Variants in PRELID2 observed in about 807,000 individuals in gnomAD.
PRELID2 encodes PRELI domain containing 2.
Under a neutral mutation model 28.4 loss-of-function variants are expected in PRELID2, and 25 were observed. The observed-to-expected ratio is 0.88, with a 90% CI of 0.64 to 1.23. The LOEUF (loss-of-function observed/expected upper bound fraction) is 1.23, where lower values mean the gene tolerates loss of function less well. Ranked by LOEUF, PRELID2 falls within the 50% of genes most tolerant of loss-of-function variation. The pLI is 0.00. For synonymous variants in PRELID2, 76 were observed against 71.6 expected (o/e 1.06, Z -0.31); for missense variants, 201 against 214.4 (o/e 0.94, Z 0.39).
chr5:145,456,477 A>G, the PRELID2 span, among the ~76,000 whole-genome samples: 3 of 152,062 alleles, frequency 2.0e-5, no homozygotes, highest in Non-Finnish European at 4.4e-5. Flanking sequence ...AGTCTCCATC[A>G]TGTCCTTAGA....
the PRELID2 span, among the ~76,000 whole-genome samples, chr5:145,232,268 C>T: frequency 1.3e-5 from 2 of 152,086 alleles, no homozygotes; most frequent in Non-Finnish European, 2.9e-5. Flanking sequence ...AACATACATT[C>T]TCTTATTCAT....
chr5:145,651,573 T>C (rs1754298589), intron 1 of PRELID2, among the ~76,000 whole-genome samples: 1 of 152,120 alleles, frequency 6.6e-6, no homozygotes, highest in African/African-American at 2.4e-5. Context: ...AGAGGAATGA[T>C]CAGGCAGCAA....
chr5:145,455,376 A>G, the PRELID2 span, among the ~76,000 whole-genome samples: 1 of 151,804 alleles, frequency 6.6e-6, no homozygotes, highest in Non-Finnish European at 1.5e-5. Flanking sequence ...ATAGTATAGC[A>G]TGATGTCTCC....
chr5:145,737,000 T>C (rs550607427), intron 1 of PRELID2, among the ~76,000 whole-genome samples: 1 of 152,086 alleles, frequency 6.6e-6, no homozygotes, highest in South Asian at 2.1e-4. Context: ...GGGAATTATT[T>C]AGAGGGTGGT....
chr5:145,818,580 T>C (rs758179751), intron 3 of PRELID2, among the ~76,000 whole-genome samples: 2 of 152,158 alleles, frequency 1.3e-5, no homozygotes, highest in Non-Finnish European at 2.9e-5. Flanking sequence ...GAATGCCTTT[T>C]TAAATAATAG....
chr5:145,635,571 T>C (rs1013770196), intron 1 of PRELID2, among the ~76,000 whole-genome samples: 6 of 152,144 alleles, frequency 3.9e-5, no homozygotes, highest in African/African-American at 1.4e-4. Context: ...GATCACACAG[T>C]GAATAAATGG....
chr5:145,241,281 ATTCTCATTCAT>A, the PRELID2 span, among the ~76,000 whole-genome samples: 1 of 151,956 alleles, frequency 6.6e-6, no homozygotes, highest in African/African-American at 2.4e-5. Flanking sequence ...TGAAGACACG[ATTCTCATTCAT>A]TTCCTTGTCA....
chr5:145,707,694 T>C (rs1054855446), intron 1 of PRELID2, among the ~76,000 whole-genome samples: 5 of 152,136 alleles, frequency 3.3e-5, no homozygotes, highest in African/African-American at 4.8e-5. Flanking sequence ...CTGAGAAATA[T>C]TGGATCTTTT....
intron 1 of PRELID2, among the ~76,000 whole-genome samples, chr5:145,547,993 A>T (rs1454133212): frequency 6.6e-6 from 1 of 151,978 alleles, no homozygotes; most frequent in Non-Finnish European, 1.5e-5. Context: ...TATCAAATTG[A>T]CTCCCCTCCT....
chr5:145,645,493 C>T (rs1192684889), intron 1 of PRELID2, among the ~76,000 whole-genome samples: 1 of 151,892 alleles, frequency 6.6e-6, no homozygotes, highest in African/African-American at 2.4e-5. Flanking sequence ...ATCCAATTTG[C>T]CAGTCTGTGT....
At chr5:145,387,423 A>G in the PRELID2 span, among the ~76,000 whole-genome samples, 3 of 152,186 alleles carry the variant, frequency 2.0e-5, no homozygotes, top group African/African-American at 4.8e-5. Context: ...CAATGTCATT[A>G]CATTAGTTAA....
At chr5:145,229,465 C>T in the PRELID2 span, 3 of 919,052 alleles carry the variant, frequency 3.3e-6, no homozygotes, top group African/African-American at 3.2e-5. Context: ...CAGCCAAAGC[C>T]CCCAACACCC....
At chr5:145,258,155 C>T in the PRELID2 span, among the ~76,000 whole-genome samples, 1 of 152,178 alleles carries the variant, frequency 6.6e-6, no homozygotes, top group African/African-American at 2.4e-5. Flanking sequence ...GCCAATTAAA[C>T]AGCTTTTCTT....
intron 1 of PRELID2, among the ~76,000 whole-genome samples, chr5:145,503,065 T>C (rs986305838): frequency 1.3e-5 from 2 of 152,132 alleles, no homozygotes; most frequent in East Asian, 3.9e-4. Context: ...AGTGGATGGC[T>C]GGGAGAGTAT....
At chr5:145,669,737 C>T (rs1754668447) in intron 1 of PRELID2, among the ~76,000 whole-genome samples, 1 of 152,100 alleles carries the variant, frequency 6.6e-6, no homozygotes, top group African/African-American at 2.4e-5. Context: ...TGTGCTCTGG[C>T]CACATTGGCT....
At chr5:145,399,334 T>C in the PRELID2 span, among the ~76,000 whole-genome samples, 1 of 152,054 alleles carries the variant, frequency 6.6e-6, no homozygotes, top group Non-Finnish European at 1.5e-5. Flanking sequence ...AAAAGAGTCA[T>C]AGAAAATAAA....
At chr5:145,516,723 C>T (rs1337064201) in intron 1 of PRELID2, among the ~76,000 whole-genome samples, 1 of 152,146 alleles carries the variant, frequency 6.6e-6, no homozygotes, top group African/African-American at 2.4e-5. Flanking sequence ...CACCACACGA[C>T]CTGATGTTAA....
the PRELID2 span, among the ~76,000 whole-genome samples, chr5:145,391,071 G>A: frequency 1.6e-4 from 24 of 152,170 alleles, no homozygotes; most frequent in African/African-American, 4.8e-4. Context: ...CCCCCCTCCC[G>A]CCTACTTTCA....
rs373747858 is a variant in PRELID2, at chr5:145,482,789, T to C, written n.71-9474A>G. Among the ~76,000 whole-genome samples, 218 of 150,970 alleles carry C rather than the reference T, an allele frequency of 1.4e-3. 1 individual carries two copies. Among genetic ancestry groups the C allele is most frequent in the African/African-American group, 5.2e-3 (213 of 41,054 alleles). The stretch of plus-strand genomic sequence containing the variant: ...ACTAGATGGCCCCATCTGGGGGTGA[T>C]GGGAGACAGTGACAGATCATCAGGT... On this transcript the variant is annotated intron_variant and non_coding_transcript_variant, in intron 1 of 2. Coordinates refer to the PRELID2 transcript ENST00000510259.
Sources: gnomAD v4.1 joint callset for allele counts (sites outside exome capture counted in the v4.1 genomes callset) on GRCh38, gnomAD v4.1.1 for gene constraint, MANE v1.5 for transcripts, NCBI Gene and HGNC (gene_info 2026-07-23, HGNC 2026-07-21) for gene names.